KLRG1: variants seen among roughly 807,000 people sequenced by gnomAD.
KLRG1 encodes the protein killer cell lectin-like receptor subfamily G member 1.
A neutral mutation model predicts 21.8 loss-of-function variants in KLRG1; 16 were observed. The observed-to-expected ratio is 0.73, with a 90% CI of 0.50 to 1.11. KLRG1 has a LOEUF of 1.11. Among genes scored for constraint, KLRG1 ranks in the 50% most tolerant of loss-of-function variants. KLRG1 has a pLI of 0.00. For synonymous variants in KLRG1, 69 were observed against 75.9 expected, an observed-to-expected ratio of 0.91 and a Z score of 0.47; for missense variants, 173 against 218.3, an observed-to-expected ratio of 0.79 and a Z score of 1.31.
At chr12:9,188,365 A>G in the KLRG1 span, among the ~76,000 whole-genome samples, 1 of 152,222 alleles carries the variant, frequency 6.6e-6, no homozygotes, top group African/African-American at 2.4e-5. Context: ...TATTGAAAGA[A>G]CATACCTCAA....
chr12:9,040,921 A>C, the KLRG1 span, among the ~76,000 whole-genome samples: 1 of 152,260 alleles, frequency 6.6e-6, no homozygotes, highest in Non-Finnish European at 1.5e-5. Flanking sequence ...TTATGCATGA[A>C]GAGGGAAAGG....
the KLRG1 span, among the ~76,000 whole-genome samples, chr12:9,049,790 A>G: frequency 1.3e-5 from 2 of 152,222 alleles, no homozygotes; most frequent in Admixed American, 1.3e-4. Flanking sequence ...AAGCCATCCA[A>G]ACAGGAACAA....
the KLRG1 span, chr12:9,181,950 T>C: frequency 6.2e-7 from 1 of 1,609,092 alleles, no homozygotes; most frequent in African/African-American, 1.3e-5. Context: ...TTTGTGTTCT[T>C]TTAATTTTAT....
chr12:9,137,821 T>C, the KLRG1 span, among the ~76,000 whole-genome samples: 1 of 152,136 alleles, frequency 6.6e-6, no homozygotes, highest in Admixed American at 6.5e-5. Flanking sequence ...TTTCAGAGTT[T>C]ATTGCTAGTG....
At chr12:9,074,629 G>C in the KLRG1 span, 1 of 1,613,970 alleles carries the variant, frequency 6.2e-7, no homozygotes, top group African/African-American at 1.3e-5. Context: ...TGGTTGCAGA[G>C]GTCAGGTCCT....
intron 1 of KLRG1, among the ~76,000 whole-genome samples, chr12:8,956,176 G>C (rs568746983): frequency 1.3e-5 from 2 of 152,222 alleles, no homozygotes; most frequent in Non-Finnish European, 2.9e-5. Context: ...GGGTGCAAAA[G>C]AACAGCAGGT....
chr12:9,186,515 A>G, the KLRG1 span, among the ~76,000 whole-genome samples: 1 of 152,198 alleles, frequency 6.6e-6, no homozygotes, highest in African/African-American at 2.4e-5. Context: ...GACCCATCTC[A>G]CATGCAATGA....
At chr12:9,074,630 G>A in the KLRG1 span, 2 of 1,613,916 alleles carry the variant, frequency 1.2e-6, no homozygotes, top group Non-Finnish European at 1.7e-6. Context: ...GGTTGCAGAG[G>A]TCAGGTCCTC....
At chr12:9,033,840 G>A in the KLRG1 span, among the ~76,000 whole-genome samples, 19 of 152,256 alleles carry the variant, frequency 1.2e-4, no homozygotes, top group East Asian at 1.9e-4. Flanking sequence ...GTGGGTTTGC[G>A]TCCTCTACAA....
chr12:9,035,926 T>A, the KLRG1 span, among the ~76,000 whole-genome samples: 1 of 152,180 alleles, frequency 6.6e-6, no homozygotes, highest in Non-Finnish European at 1.5e-5. Context: ...TTCTCACTTA[T>A]AAGTAGGAGG....
At chr12:9,083,993 G>A in the KLRG1 span, among the ~76,000 whole-genome samples, 2 of 152,118 alleles carry the variant, frequency 1.3e-5, no homozygotes, top group African/African-American at 4.8e-5. Context: ...ATTTTTAGCA[G>A]TAACCCGGCA....
the KLRG1 span, among the ~76,000 whole-genome samples, chr12:9,170,462 G>T: frequency 1.9e-4 from 29 of 152,258 alleles, no homozygotes; most frequent in East Asian, 9.7e-4. The surrounding 1 kb of genome is among the most constrained non-coding windows in gnomAD (Gnocchi z 4.6). Flanking sequence ...CTAGGAAGGG[G>T]GCTAAATTCA....
At chr12:9,023,853 G>C in the KLRG1 span, among the ~76,000 whole-genome samples, 3 of 151,900 alleles carry the variant, frequency 2.0e-5, no homozygotes, top group African/African-American at 7.3e-5. Flanking sequence ...ACAGTATCCA[G>C]CCTGTTTTTA....
the KLRG1 span, chr12:9,112,011 T>C: frequency 4.9e-6 from 4 of 820,812 alleles, no homozygotes. Context: ...AATGATGTTT[T>C]AGATTAGGAT....
the KLRG1 span, chr12:9,182,128 G>GAC: frequency 1.2e-6 from 1 of 807,138 alleles, no homozygotes; most frequent in Non-Finnish European, 1.6e-6. Flanking sequence ...CTGGAACATG[G>GAC]AGAGAGTGAG....
At chr12:9,102,004 T>C in the KLRG1 span, among the ~76,000 whole-genome samples, 19 of 152,206 alleles carry the variant, frequency 1.2e-4, no homozygotes, top group Admixed American at 1.2e-3. Flanking sequence ...TGAAACTTCA[T>C]TGAGGAGAGT....
chr12:9,033,478 C>T, the KLRG1 span, among the ~76,000 whole-genome samples: 2 of 151,904 alleles, frequency 1.3e-5, no homozygotes, highest in African/African-American at 4.8e-5. Flanking sequence ...TATTTCCCCT[C>T]CCACCCTGAT....
At chr12:9,183,380 G>A in the KLRG1 span, among the ~76,000 whole-genome samples, 13 of 150,424 alleles carry the variant, frequency 8.6e-5, no homozygotes, top group Admixed American at 6.0e-4. Flanking sequence ...GTCCCATAAC[G>A]TTATGTTGTA....
chr12:9,157,446 T>C, the KLRG1 span: 544 of 1,254,186 alleles, frequency 4.3e-4, no homozygotes, highest in African/African-American at 6.9e-3. Context: ...ATGTTATTAA[T>C]AGATTTCAGA....
Sources: gnomAD v4.1 joint callset for allele counts (sites outside exome capture counted in the v4.1 genomes callset) on GRCh38, gnomAD v4.1.1 for gene constraint, Gnocchi (gnomAD v3.1) non-coding constraint, MANE v1.5 for transcripts, NCBI Gene and HGNC (gene_info 2026-07-23, HGNC 2026-07-21) for gene names.